FANK1: variants seen among roughly 807,000 people sequenced by gnomAD.
FANK1 encodes the protein fibronectin type 3 and ankyrin repeat domains protein 1.
Under a neutral mutation model 45.3 loss-of-function variants are expected in FANK1, and 44 were observed. The observed-to-expected ratio is 0.97, with a 90% CI of 0.76 to 1.25. FANK1 has a LOEUF of 1.25. Ranked by LOEUF, FANK1 falls within the 50% of genes most tolerant of loss-of-function variation. The pLI is 0.00. For synonymous variants in FANK1, 149 were observed against 152.5 expected, an observed-to-expected ratio of 0.98 and a Z score of 0.17; for missense variants, 391 against 424.4, an observed-to-expected ratio of 0.92 and a Z score of 0.69.
chr10:125,989,819 A>AGAGGGCATTGCAGGAGAAGGG (rs1465462867), intron 3 of FANK1, among the ~76,000 whole-genome samples: 1 of 152,224 alleles, frequency 6.6e-6, no homozygotes, highest in Non-Finnish European at 1.5e-5. Context: ...GAAGGAAGGC[A>AGAGGGCATTGCAGGAGAAGGG]GAGGGCATTG....
intron 1 of FANK1, among the ~76,000 whole-genome samples, chr10:125,921,442 A>G (rs199577758): frequency 6.6e-6 from 1 of 150,832 alleles, no homozygotes; most frequent in African/African-American, 2.4e-5. Context: ...AATATGGACT[A>G]TTTTCACTTT....
intron 1 of FANK1, among the ~76,000 whole-genome samples, chr10:125,952,548 G>C (rs569718309): frequency 6.5e-4 from 99 of 152,142 alleles, no homozygotes; most frequent in Non-Finnish European, 1.2e-3. Context: ...CAGGTGCTGG[G>C]GCTGGGGGAT....
At chr10:126,005,371 G>A (rs1199391315) in intron 7 of FANK1, among the ~76,000 whole-genome samples, 1 of 149,412 alleles carries the variant, frequency 6.7e-6, no homozygotes, top group East Asian at 2.0e-4. Flanking sequence ...GCAGTGGCGC[G>A]ATCTCGGTTC....
intron 1 of FANK1, among the ~76,000 whole-genome samples, chr10:125,952,580 T>G (rs1305091568): frequency 6.6e-6 from 1 of 152,108 alleles, no homozygotes; most frequent in East Asian, 1.9e-4. Context: ...AGCACTTCTC[T>G]GTGCCTGGAA....
At chr10:125,901,681 C>T (rs1317829083) in intron 1 of FANK1, among the ~76,000 whole-genome samples, 1 of 152,242 alleles carries the variant, frequency 6.6e-6, no homozygotes, top group Non-Finnish European at 1.5e-5. Flanking sequence ...GGTCTGACTC[C>T]TAATGTCCTT....
chr10:125,936,168 C>G (rs578132227), intron 1 of FANK1, among the ~76,000 whole-genome samples: 40 of 152,264 alleles, frequency 2.6e-4, no homozygotes, highest in African/African-American at 9.1e-4. Flanking sequence ...CACCAGACTT[C>G]ATAAGGCTAT....
At chr10:125,971,880 CGAAAG>C (rs1329743967) in intron 1 of FANK1, among the ~76,000 whole-genome samples, 10 of 152,160 alleles carry the variant, frequency 6.6e-5, no homozygotes, top group South Asian at 2.1e-4. Context: ...CCTTGGCCTC[CGAAAG>C]TAAAGTGCTG....
chr10:125,965,412 AGAATATATATATAAC>A (rs1227403930), intron 1 of FANK1, among the ~76,000 whole-genome samples: 1 of 152,256 alleles, frequency 6.6e-6, no homozygotes, highest in Non-Finnish European at 1.5e-5. Flanking sequence ...CTGTGTCTAA[AGAATATATATATAAC>A]AATTTGGCTT....
chr10:125,948,754 C>A (rs1447542320), intron 1 of FANK1, among the ~76,000 whole-genome samples: 4 of 151,754 alleles, frequency 2.6e-5, no homozygotes, highest in Non-Finnish European at 4.4e-5. Context: ...GGGAATCCTC[C>A]CTAACTCATT....
At chr10:125,909,336 G>A (rs1335702134) in intron 1 of FANK1, among the ~76,000 whole-genome samples, 5 of 152,118 alleles carry the variant, frequency 3.3e-5, no homozygotes, top group Non-Finnish European at 7.4e-5. Flanking sequence ...ACAGAGATTA[G>A]CAACTGGAAT....
intron 2 of FANK1, among the ~76,000 whole-genome samples, chr10:125,986,393 C>A (rs7896940): frequency 0.017 from 2,545 of 152,252 alleles, 72 homozygotes; most frequent in East Asian, 0.11. Flanking sequence ...TGAAATTTCA[C>A]ATTTTAACAA....
rs1052096038 is a variant in FANK1, at chr10:125,951,394, A to G, written c.14-28767A>G. Among the ~76,000 whole-genome samples, 11 of 152,150 alleles carry G rather than the reference A, an allele frequency of 7.2e-5. No individual in the cohort carries two copies. The East Asian group carries it at 1.9e-3, about 27-fold the overall frequency. On this transcript the variant is annotated intron_variant, in intron 1 of 10. Coordinates refer to ENST00000368693, the MANE Select transcript of FANK1 (RefSeq NM_145235.5). ...GCTTGATTCTCTGTAAATAGGAATCATGATTTTGGAGGCAGAAAAATTTGC... is the reference window on the plus strand; with the variant it reads ...GCTTGATTCTCTGTAAATAGGAATCGTGATTTTGGAGGCAGAAAAATTTGC...
At chr10:125,976,813 G>T (rs1372893135) in intron 1 of FANK1, among the ~76,000 whole-genome samples, 1 of 152,056 alleles carries the variant, frequency 6.6e-6, no homozygotes, top group Non-Finnish European at 1.5e-5. Flanking sequence ...AGTAGAGACG[G>T]GGTTTCACCA....
chr10:125,993,715 C>A (rs1490532293), intron 3 of FANK1, among the ~76,000 whole-genome samples: 2 of 152,156 alleles, frequency 1.3e-5, no homozygotes, highest in Non-Finnish European at 2.9e-5. Flanking sequence ...TGGCCTTTGA[C>A]AGGTTATCGT....
At chr10:126,009,162 T>A (rs766219959) in intron 9 of FANK1, 31 bp downstream of exon 9, 1 of 1,614,124 alleles carries the variant, frequency 6.2e-7, no homozygotes, top group Admixed American at 1.7e-5. Context: ...GTAAAGATTT[T>A]CCTCGGAGGG....
At chr10:125,956,910 G>A (rs761396648) in intron 1 of FANK1, among the ~76,000 whole-genome samples, 8 of 152,222 alleles carry the variant, frequency 5.3e-5, no homozygotes, top group East Asian at 1.9e-4. Flanking sequence ...GTGCAATGGC[G>A]CGATCTCAGC....
chr10:125,979,869 C>T (rs1019952777), intron 1 of FANK1: 1 of 525,202 alleles, frequency 1.9e-6, no homozygotes, highest in Non-Finnish European at 3.7e-6. Context: ...CAAATACAAC[C>T]TTATTAGTTT....
chr10:125,927,194 A>G (rs1157807890), intron 1 of FANK1, among the ~76,000 whole-genome samples: 14 of 152,150 alleles, frequency 9.2e-5, no homozygotes, highest in Non-Finnish European at 1.8e-4. Flanking sequence ...TGCAGCCTCA[A>G]TCTCCCTGGC....
intron 1 of FANK1, among the ~76,000 whole-genome samples, chr10:125,954,084 T>C (rs1167624739): frequency 6.6e-6 from 1 of 152,230 alleles, no homozygotes; most frequent in East Asian, 1.9e-4. Flanking sequence ...ATCTCCACTG[T>C]GGAGTTGGAC....
Sources: gnomAD v4.1 joint callset for allele counts (sites outside exome capture counted in the v4.1 genomes callset) on GRCh38, gnomAD v4.1.1 for gene constraint, MANE v1.5 for transcripts, NCBI Gene and HGNC (gene_info 2026-07-23, HGNC 2026-07-21) for gene names.